PLEK: variants seen among roughly 807,000 people sequenced by gnomAD.
The protein encoded by PLEK is pleckstrin.
PLEK carries 25 observed loss-of-function variants against 43.9 expected under a neutral mutation model. The ratio of observed to expected loss-of-function variants is 0.57; its 90% CI spans 0.41 to 0.79. The LOEUF (loss-of-function observed/expected upper bound fraction) is 0.79. Among genes scored for constraint, PLEK ranks in the 30% least tolerant of loss-of-function variants. PLEK has a pLI of 0.00. For synonymous variants in PLEK, 152 were observed against 144.4 expected, an observed-to-expected ratio of 1.05 and a Z score of -0.38; for missense variants, 396 against 413.3, an observed-to-expected ratio of 0.96 and a Z score of 0.36.
At position 68,395,894 on chromosome 2, in the gene PLEK, A is replaced by T. The variant is rs763277689; in HGVS notation, c.*78A>T. On this transcript the variant is annotated 3_prime_UTR_variant, in exon 9 of 9. Coordinates refer to ENST00000234313, the MANE Select transcript of PLEK (RefSeq NM_002664.3). The stretch of plus-strand genomic sequence containing the variant: ...AGTCCAGGACCTGTCCACTTCTGTG[A>T]CAAATCAACGGGAAACAGCCCAGGG... The T allele has an allele frequency of 3.3e-5, 44 of 1,334,652 alleles. No homozygotes were observed. Among genetic ancestry groups the T allele is most frequent in the Non-Finnish European group, 4.5e-5 (42 of 939,978 alleles). The allele number at this position is 1,334,652 out of a possible 1,614,324, so 82.7% of individuals were successfully genotyped here.
rs554377478 is a variant in PLEK at position 68,374,483 on chromosome 2, C to A, written c.43-5845C>A. ...GTGGTGTTACTATAATCACTGTATA[C>A]CCCTCCATGGAGTTAACTAACAGGA... On this transcript the variant is annotated intron_variant, in intron 1 of 8. Transcript: ENST00000234313. Among the ~76,000 whole-genome samples, 7 of 152,254 alleles carry A rather than the reference C, an allele frequency of 4.6e-5. No individual in the cohort carries two copies. In the South Asian group the frequency reaches 8.3e-4, roughly 18 times the overall value.
At position 68,367,613 on chromosome 2, in the gene PLEK, A is replaced by G. The variant is rs1228510581; in HGVS notation, c.42+2220A>G. Among the ~76,000 whole-genome samples, 14 of 152,230 alleles carry G rather than the reference A, an allele frequency of 9.2e-5. 1 individual carries two copies. The highest frequency in any genetic ancestry group is 2.1e-4 in the Non-Finnish European group (14 of 68,038). ...ACCTCACGTGTGGGTTAAAAACTGT[A>G]TATGTCAAGAATCTGACATATAATT... On this transcript the variant is annotated intron_variant, in intron 1 of 8. Coordinates refer to ENST00000234313, the MANE Select transcript of PLEK (RefSeq NM_002664.3).
rs1673647732 is a variant in PLEK, at chr2:68,382,587, A to G, written c.426A>G (p.Glu142=). ...AAGACACTGAAAAAGGAATAAAAGAACTGAATCTAGAGAAGGACAAGAAGA... is the reference window on the plus strand; with the variant it reads ...AAGACACTGAAAAAGGAATAAAAGAGCTGAATCTAGAGAAGGACAAGAAGA... ...SMKDTEKGIK[E]LNLEKDKKIF... The change falls in exon 4 of 9, where the codon GAA becomes GAG. Residue 142 remains glutamate, a synonymous_variant. Coordinates refer to ENST00000234313, the MANE Select transcript of PLEK (RefSeq NM_002664.3). 1.2e-6 allele frequency: 2 copies of G among 1,606,332 alleles called. No homozygotes were observed. Among genetic ancestry groups the G allele is most frequent in the African/African-American group, 1.3e-5 (1 of 74,804 alleles).
intron 3 of PLEK, among the ~76,000 whole-genome samples, chr2:68,381,493 G>A (rs577163095): frequency 6.6e-6 from 1 of 152,292 alleles, no homozygotes; most frequent in African/African-American, 2.4e-5. Context: ...TCCTTCCTGA[G>A]TATCTCACAT....
intron 4 of PLEK, among the ~76,000 whole-genome samples, 157 bp from the exon 5 acceptor site, chr2:68,386,345 G>A (rs1673740786): frequency 6.6e-6 from 1 of 152,084 alleles, no homozygotes; most frequent in African/African-American, 2.4e-5. Context: ...TTTCTAGTGG[G>A]TATCTATCCC....
At chr2:68,380,248 T>C (rs1418801685) in intron 1 of PLEK, 80 bp from the exon 2 acceptor site, 3 of 1,166,538 alleles carry the variant, frequency 2.6e-6, no homozygotes, top group Non-Finnish European at 3.7e-6. Flanking sequence ...TGTAAGTAAA[T>C]ATAGAATCTT....
chr2:68,394,567 A>G (rs956961948), intron 8 of PLEK, among the ~76,000 whole-genome samples: 1 of 151,920 alleles, frequency 6.6e-6, no homozygotes, highest in African/African-American at 2.4e-5. Flanking sequence ...TTACTGTCTG[A>G]AAACCTTGGA....
At chr2:68,393,276 A>G in intron 7 of PLEK, 31 bp downstream of exon 7, 1 of 1,365,332 alleles carries the variant, frequency 7.3e-7, no homozygotes, top group Non-Finnish European at 1.0e-6. Flanking sequence ...AATCCATTCA[A>G]ATAAATAAAT....
At position 68,388,410 on chromosome 2, in the gene PLEK, A is replaced by G. The variant is rs183724277; in HGVS notation, c.681A>G (p.Glu227=). 1.1e-5 allele frequency: 18 copies of G among 1,609,550 alleles called. No individual in the cohort carries two copies. The East Asian group carries it at 3.8e-4, about 34-fold the overall frequency. ...YYFPDSGFFC[E]ENSSDDDVIL... is the part of the protein sequence containing the mutation. The stretch of plus-strand genomic sequence containing the variant: ...AGCCAGACAGTGGGTTCTTCTGTGA[A>G]GAGAATTCCAGTGATGATGATGTGA... Residue 227 remains glutamate (E), a synonymous_variant, in exon 6 of 9, where the codon GAA becomes GAG. Transcript: ENST00000234313.
chr2:68,383,088 A>C (rs1043376909), intron 4 of PLEK, among the ~76,000 whole-genome samples: 3 of 152,222 alleles, frequency 2.0e-5, no homozygotes, highest in Admixed American at 6.5e-5. Flanking sequence ...GGTTAAAAAC[A>C]TGTCCTTTAG....
rs952532339 is a variant in PLEK at position 68,397,405 on chromosome 2, G to A, written c.*1589G>A. 1 of 152,026 alleles carries A rather than the reference G, an allele frequency of 6.6e-6. No individual in the cohort carries two copies. Among genetic ancestry groups the A allele is most frequent in the Admixed American group, 6.6e-5 (1 of 15,266 alleles). 9.4% of individuals were successfully genotyped at this position (152,026 alleles called of 1,614,324 possible). On this transcript the variant is annotated 3_prime_UTR_variant, in exon 9 of 9. Coordinates refer to ENST00000234313, the MANE Select transcript of PLEK (RefSeq NM_002664.3). ...CTCAGTGTTAAAGTATTTATTAATG[G>A]GAAGTCAACTTAATGTTTTGAAATA...
chr2:68,369,547 G>A lies in PLEK; in HGVS notation c.42+4154G>A, dbSNP rs1399360361. Among the ~76,000 whole-genome samples, 8 of 149,052 alleles carry A rather than the reference G, an allele frequency of 5.4e-5. No homozygotes were observed. The East Asian group carries it at 1.2e-3, about 22-fold the overall frequency. On this transcript the variant is annotated intron_variant, in intron 1 of 8. Coordinates refer to ENST00000234313, the MANE Select transcript of PLEK (RefSeq NM_002664.3). ...TGCCCAGGCTGGAGTGCAATGGTAC[G>A]ATCTCGGCTCACTGCAACCTCCGCC...
At chr2:68,371,546 T>C (rs985139499) in intron 1 of PLEK, among the ~76,000 whole-genome samples, 1 of 152,232 alleles carries the variant, frequency 6.6e-6, no homozygotes, top group African/African-American at 2.4e-5. Flanking sequence ...GCAATTTACA[T>C]GGATTGTTTT....
chr2:68,382,511 T>C (rs1353148293), intron 3 of PLEK, 31 bp from the exon 4 acceptor site: 1 of 1,309,932 alleles, frequency 7.6e-7, no homozygotes, highest in Admixed American at 1.9e-5. Context: ...TTTTTGTTTG[T>C]TTGTTTGTTT....
intron 1 of PLEK, among the ~76,000 whole-genome samples, chr2:68,371,784 CACA>C (rs201394836): frequency 0.01 from 1,426 of 140,522 alleles, 5 homozygotes; most frequent in Non-Finnish European, 0.014. Context: ...TGTATACAAC[CACA>C]ACGAGTTTAG....
At chr2:68,385,721 T>A (rs957259129) in intron 4 of PLEK, among the ~76,000 whole-genome samples, 11 of 152,240 alleles carry the variant, frequency 7.2e-5, no homozygotes, top group Non-Finnish European at 1.3e-4. Context: ...CCTACTCATA[T>A]TTTAAGCCTC....
chr2:68,396,116 C>A lies in PLEK; in HGVS notation c.*300C>A. On this transcript the variant is annotated 3_prime_UTR_variant, in exon 9 of 9. Transcript: ENST00000234313. ...GCCTCTTCTGGAAAATGAAGAAATT[C>A]AACTAGTAGATTCCTGAGGTCCCCC... The A allele has an allele frequency of 3.7e-6, 1 of 271,066 alleles. No individual in the cohort carries two copies. Among genetic ancestry groups the A allele is most frequent in the Non-Finnish European group, 7.0e-6 (1 of 143,212 alleles). 16.8% of individuals were successfully genotyped at this position (271,066 alleles called of 1,614,324 possible). A position where few individuals can be genotyped will look rare whatever the true frequency, so the allele number is the denominator to read the frequency against.
intron 4 of PLEK, 47 bp downstream of exon 4, chr2:68,382,680 T>G (rs1389332692): frequency 9.3e-7 from 1 of 1,079,420 alleles, no homozygotes; most frequent in Non-Finnish European, 1.4e-6. Flanking sequence ...GAAGGCGATA[T>G]GGAGTCCTCC....
chr2:68,389,769 C>A (rs1415605923), intron 6 of PLEK, among the ~76,000 whole-genome samples: 1 of 152,012 alleles, frequency 6.6e-6, no homozygotes, highest in Non-Finnish European at 1.5e-5. Flanking sequence ...GCAGAGCCAG[C>A]CTTATGCCGG....
Sources: allele counts gnomAD v4.1 joint callset (sites outside exome capture counted in the v4.1 genomes callset), GRCh38; gene constraint gnomAD v4.1.1; transcripts MANE v1.5; gene names NCBI Gene and HGNC (gene_info 2026-07-23, HGNC 2026-07-21).